MRPS31: variants seen among roughly 807,000 people sequenced by gnomAD.
MRPS31 encodes the protein small ribosomal subunit protein mS31.
A neutral mutation model predicts 43.1 loss-of-function variants in MRPS31; 32 were observed. That is an observed-to-expected ratio of 0.74 (90% confidence interval 0.56 to 1.00). The LOEUF (loss-of-function observed/expected upper bound fraction) is 1.00. Among genes scored for constraint, MRPS31 ranks in the 50% least tolerant of loss-of-function variants. The pLI is 0.00. For synonymous variants in MRPS31, 165 were observed against 161.6 expected, an observed-to-expected ratio of 1.02 and a Z score of -0.16; for missense variants, 437 against 466.7, an observed-to-expected ratio of 0.94 and a Z score of 0.59.
chr13:40,733,395 A>G (rs1247791283), intron 6 of MRPS31, among the ~76,000 whole-genome samples: 1 of 152,198 alleles, frequency 6.6e-6, no homozygotes, highest in Non-Finnish European at 1.5e-5. Flanking sequence ...GGAGCATAGA[A>G]CAAAAGGAGA....
At chr13:40,740,178 T>A (rs1269407332) in intron 6 of MRPS31, among the ~76,000 whole-genome samples, 1 of 141,178 alleles carries the variant, frequency 7.1e-6, no homozygotes, top group Non-Finnish European at 1.5e-5. Context: ...AAAAAACACA[T>A]GAAAAAATGC....
chr13:40,763,792 G>C (rs941491909), intron 2 of MRPS31, among the ~76,000 whole-genome samples: 4 of 152,188 alleles, frequency 2.6e-5, no homozygotes, highest in African/African-American at 9.7e-5. Flanking sequence ...TCTGAGGCTA[G>C]ATCAAATAAT....
At position 40,759,173 on chromosome 13, in the gene MRPS31, C is replaced by G; in HGVS notation, c.441-67G>C. On this transcript the variant is annotated intron_variant, in intron 2 of 6. Transcript: ENST00000323563. ...GAGAGATTGGCCAGGTGCGGTGGCTCATGCCTGTAATTCCAGCACTTTGGG... is the reference window on the plus strand; with the variant it reads ...GAGAGATTGGCCAGGTGCGGTGGCTGATGCCTGTAATTCCAGCACTTTGGG... The G allele has an allele frequency of 7.0e-6, 9 of 1,290,886 alleles. No homozygotes were observed. The South Asian group carries it at 1.5e-4, about 21-fold the overall frequency. The allele number at this position is 1,290,886 out of a possible 1,614,324, so 80.0% of individuals were successfully genotyped here. A position where few individuals can be genotyped will look rare whatever the true frequency, so the allele number is the denominator to read the frequency against.
At chr13:40,741,563 T>C (rs1391925859) in intron 6 of MRPS31, among the ~76,000 whole-genome samples, 5 of 152,122 alleles carry the variant, frequency 3.3e-5, no homozygotes, top group African/African-American at 7.2e-5. Flanking sequence ...CCCAGAACAT[T>C]TGAAAGGTTA....
chr13:40,764,812 A>G (rs1880796753), intron 2 of MRPS31, among the ~76,000 whole-genome samples: 1 of 152,198 alleles, frequency 6.6e-6, no homozygotes, highest in Non-Finnish European at 1.5e-5. Context: ...GGCCCCAGAC[A>G]TCACAGAGCA....
intron 6 of MRPS31, among the ~76,000 whole-genome samples, chr13:40,741,888 TACAC>T (rs61011673): frequency 0.084 from 11,836 of 140,590 alleles, 506 homozygotes; most frequent in South Asian, 0.15. Context: ...AGTAACAAAA[TACAC>T]ACACACACAC....
At chr13:40,758,527 G>A (rs1387843538) in intron 3 of MRPS31, among the ~76,000 whole-genome samples, 1 of 152,178 alleles carries the variant, frequency 6.6e-6, no homozygotes, top group Non-Finnish European at 1.5e-5. Flanking sequence ...GATGAAGAGA[G>A]TAAGTGGAAT....
At chr13:40,755,055 A>C (rs1880493770) in intron 4 of MRPS31, among the ~76,000 whole-genome samples, 1 of 152,238 alleles carries the variant, frequency 6.6e-6, no homozygotes, top group East Asian at 1.9e-4. Context: ...AAAAAATAAT[A>C]AACTGGAGGG....
chr13:40,766,837 T>A lies in MRPS31; in HGVS notation c.349A>T (p.Thr117Ser), dbSNP rs142114244. 8.7e-6 allele frequency: 14 copies of A among 1,614,176 alleles called. No homozygotes were observed. The highest frequency in any genetic ancestry group is 1.2e-5 in the Non-Finnish European group (14 of 1,180,022). ...KVELSTVNVR[T>S]TKPPKRRPLK... Reference sequence around the variant, plus strand: ...GGTCTTCTTTTGGGGGGCTTTGTTGTTCGTACATTTACTGTGCTTAATTCA... The same window carrying A: ...GGTCTTCTTTTGGGGGGCTTTGTTGATCGTACATTTACTGTGCTTAATTCA... Residue 117 changes from threonine (T) to serine (S), a missense_variant, in exon 2 of 7, where the codon ACA becomes TCA. Physicochemically the swap from Thr to Ser is moderately conservative, Grantham distance 58 (BLOSUM62 1). Coordinates refer to ENST00000323563, the MANE Select transcript of MRPS31 (RefSeq NM_005830.4).
intron 2 of MRPS31, among the ~76,000 whole-genome samples, chr13:40,762,899 C>CT (rs200299880): frequency 0.012 from 1,826 of 150,878 alleles, 51 homozygotes; most frequent in African/African-American, 0.042. Flanking sequence ...GAAGCAGAGA[C>CT]TTTGTTTTGT....
chr13:40,761,119 T>A (rs1020334605), intron 2 of MRPS31, among the ~76,000 whole-genome samples: 1 of 150,598 alleles, frequency 6.6e-6, no homozygotes, highest in African/African-American at 2.4e-5. Flanking sequence ...AAAAAAAAAA[T>A]TAGCCAGGTG....
chr13:40,771,175 G>T lies in MRPS31; in HGVS notation c.-39C>A. 1 of 1,548,608 alleles carries T rather than the reference G, an allele frequency of 6.5e-7. No individual in the cohort carries two copies. The highest frequency in any genetic ancestry group is 1.2e-5 in the South Asian group (1 of 82,728). ...AATGAACCAAGAACACAACTGAAAT[G>T]GTGCGTCCCGCTGCCAAACACGTCC... On this transcript the variant is annotated 5_prime_UTR_variant, in exon 1 of 7. Coordinates refer to ENST00000323563, the MANE Select transcript of MRPS31 (RefSeq NM_005830.4).
At chr13:40,741,057 T>C (rs1176548538) in intron 6 of MRPS31, among the ~76,000 whole-genome samples, 1 of 151,712 alleles carries the variant, frequency 6.6e-6, no homozygotes, top group Non-Finnish European at 1.5e-5. Flanking sequence ...AAAATTGTAA[T>C]ATATCTACAT....
intron 6 of MRPS31, among the ~76,000 whole-genome samples, chr13:40,738,161 T>C (rs1224842663): frequency 2.6e-5 from 4 of 151,860 alleles, no homozygotes; most frequent in African/African-American, 9.7e-5. Flanking sequence ...TACAAACACC[T>C]CTACGCAAAT....
chr13:40,757,637 G>T (rs1320960136), intron 3 of MRPS31, among the ~76,000 whole-genome samples: 3 of 150,640 alleles, frequency 2.0e-5, no homozygotes, highest in Non-Finnish European at 3.0e-5. Flanking sequence ...GTAGAGACAG[G>T]GTTTCACTGT....
intron 6 of MRPS31, among the ~76,000 whole-genome samples, chr13:40,735,943 C>A (rs1482215245): frequency 6.7e-6 from 1 of 149,280 alleles, no homozygotes; most frequent in Non-Finnish European, 1.5e-5. Flanking sequence ...ATGACTTTGA[C>A]GAGCTGAGAG....
chr13:40,739,359 C>T (rs988887987), intron 6 of MRPS31, among the ~76,000 whole-genome samples: 2 of 152,168 alleles, frequency 1.3e-5, no homozygotes, highest in African/African-American at 4.8e-5. Context: ...AATGGCCATA[C>T]TGCCCAAGGT....
intron 5 of MRPS31, among the ~76,000 whole-genome samples, chr13:40,750,229 T>C (rs1880347089): frequency 6.6e-6 from 1 of 152,166 alleles, no homozygotes; most frequent in African/African-American, 2.4e-5. Context: ...AGCATATGGA[T>C]GAATCTCAAA....
In MRPS31 at chr13:40,759,096, G is replaced by T; in HGVS notation, c.451C>A (p.Leu151Met). ...EYAPKKRIEP[L>M]SPELVAAASA... is the part of the protein sequence containing the mutation. ...GCAGCTGCCACCAACTCAGGACTCAGGGGCTCAATTCTGAAAAAGAAAATG... is the reference window on the plus strand; with the variant it reads ...GCAGCTGCCACCAACTCAGGACTCATGGGCTCAATTCTGAAAAAGAAAATG... Residue 151 changes from leucine to methionine, a missense_variant, in exon 3 of 7, where the codon CTG (leucine) becomes ATG (methionine). Coordinates refer to ENST00000323563, the MANE Select transcript of MRPS31 (RefSeq NM_005830.4). 6.3e-7 allele frequency: 1 copy of T among 1,578,230 alleles called. No homozygotes were observed.
Sources: gnomAD v4.1 joint callset for allele counts (sites outside exome capture counted in the v4.1 genomes callset) on GRCh38, gnomAD v4.1.1 for gene constraint, MANE v1.5 for transcripts, NCBI Gene and HGNC (gene_info 2026-07-23, HGNC 2026-07-21) for gene names.